SIPA1L1: variants seen among roughly 807,000 people sequenced by gnomAD.
SIPA1L1 encodes the protein signal-induced proliferation-associated 1-like protein 1.
A neutral mutation model predicts 162.7 loss-of-function variants in SIPA1L1; 26 were observed. The ratio of observed to expected loss-of-function variants is 0.16; its 90% CI spans 0.12 to 0.22. SIPA1L1 has a LOEUF of 0.22. Ranked by LOEUF, SIPA1L1 falls within the 10% of genes least tolerant of loss-of-function variation. The pLI, the probability that SIPA1L1 is intolerant of heterozygous loss-of-function variation, is 1.00. For missense variants in SIPA1L1, 1,874 were observed against 2,241.0 expected, an observed-to-expected ratio of 0.84 and a Z score of 3.31; for synonymous variants, 829 against 837.4, an observed-to-expected ratio of 0.99 and a Z score of 0.17.
At chr14:71,542,450 T>G (rs545184888) in intron 4 of SIPA1L1, among the ~76,000 whole-genome samples, 4 of 150,888 alleles carry the variant, frequency 2.7e-5, no homozygotes, top group Non-Finnish European at 4.4e-5. Flanking sequence ...TTCTGCTTCT[T>G]CTTCCTGCTG....
At chr14:71,455,775 CAT>C (rs1394551136) in intron 2 of SIPA1L1, among the ~76,000 whole-genome samples, 2 of 152,174 alleles carry the variant, frequency 1.3e-5, no homozygotes, top group African/African-American at 4.8e-5. Context: ...TTTGAACCTA[CAT>C]ATGTTTGCTT....
intron 2 of SIPA1L1, among the ~76,000 whole-genome samples, chr14:71,445,542 G>T (rs2045277977): frequency 6.6e-6 from 1 of 152,048 alleles, no homozygotes; most frequent in Admixed American, 6.6e-5. Flanking sequence ...AGAGAGACTG[G>T]ATAATCTCTC....
At position 71,589,230 on chromosome 14, in the gene SIPA1L1, C is replaced by T. The variant is rs1242786987; in HGVS notation, c.1358C>T (p.Ser453Phe). The change falls in exon 5 of 24, where the codon TCC becomes TTC. Residue 453 changes from serine to phenylalanine, a missense_variant. Ser to Phe is a radical substitution (Grantham distance 155). Coordinates refer to ENST00000381232, the MANE Select transcript of SIPA1L1 (RefSeq NM_001386936.1). ...ESASFESTLS[S>F]HCTNAGVAVL... Reference sequence around the variant, plus strand: ...GCCTCCTTTGAGTCTACCCTTAGTTCCCATTGCACAAATGCAGGAGTGGCA... The same window carrying T: ...GCCTCCTTTGAGTCTACCCTTAGTTTCCATTGCACAAATGCAGGAGTGGCA... 3.7e-6 allele frequency: 6 copies of T among 1,613,934 alleles called. No individual in the cohort carries two copies. Among genetic ancestry groups the T allele is most frequent in the Non-Finnish European group, 4.2e-6 (5 of 1,179,972 alleles).
At chr14:71,520,646 T>C (rs2052238128) in intron 3 of SIPA1L1, among the ~76,000 whole-genome samples, 1 of 152,376 alleles carries the variant, frequency 6.6e-6, no homozygotes, top group African/African-American at 2.4e-5. Context: ...CTTTTTTCTT[T>C]CAGCATTACA....
rs2085643990 is a variant in SIPA1L1, at chr14:71,740,002, C to CT, written c.*843dup. On this transcript the variant is annotated 3_prime_UTR_variant, in exon 24 of 24. Coordinates refer to ENST00000381232, the MANE Select transcript of SIPA1L1 (RefSeq NM_001386936.1). ...TTTCAGAATTCCCCCAAACTAAAAC[C>CT]TTATCTGTCTGCATTTTGAATGCAT... 1 of 152,180 alleles carries CT rather than the reference C, an allele frequency of 6.6e-6. No individual in the cohort carries two copies. The highest frequency in any genetic ancestry group is 2.4e-5 in the African/African-American group (1 of 41,444). The allele number at this position is 152,180 out of a possible 1,614,324, so 9.4% of individuals were successfully genotyped here. A position where few individuals can be genotyped will look rare whatever the true frequency, so the allele number is the denominator to read the frequency against.
intron 8 of SIPA1L1, among the ~76,000 whole-genome samples, chr14:71,651,807 G>T (rs529764142): frequency 8.5e-5 from 13 of 152,192 alleles, no homozygotes; most frequent in Admixed American, 6.5e-4. Context: ...CTAGGGTATC[G>T]TTAAGCAACA....
chr14:71,454,860 G>T (rs544287929), intron 2 of SIPA1L1, among the ~76,000 whole-genome samples: 1 of 152,300 alleles, frequency 6.6e-6, no homozygotes, highest in South Asian at 2.1e-4. Flanking sequence ...TGTCACTGCG[G>T]TTACTCCCTT....
intron 2 of SIPA1L1, among the ~76,000 whole-genome samples, chr14:71,366,930 A>G (rs1011899166): frequency 1.3e-5 from 2 of 152,216 alleles, no homozygotes; most frequent in East Asian, 1.9e-4. Context: ...CTTGGGATCT[A>G]TAAGTTACAC....
At chr14:71,585,708 T>C (rs973159398) in intron 4 of SIPA1L1, among the ~76,000 whole-genome samples, 2 of 152,236 alleles carry the variant, frequency 1.3e-5, no homozygotes, top group African/African-American at 2.4e-5. Flanking sequence ...ATGATTTATT[T>C]GGATTTCTGT....
intron 2 of SIPA1L1, among the ~76,000 whole-genome samples, chr14:71,337,559 C>T (rs748541933): frequency 6.6e-6 from 1 of 152,132 alleles, no homozygotes; most frequent in African/African-American, 2.4e-5. Flanking sequence ...ACCATCAGAT[C>T]TCATGAGACT....
chr14:71,371,778 GT>G (rs538382060), intron 2 of SIPA1L1, among the ~76,000 whole-genome samples: 1 of 152,098 alleles, frequency 6.6e-6, no homozygotes, highest in Non-Finnish European at 1.5e-5. Context: ...GCTATGGATG[GT>G]TGTTTCTCAA....
chr14:71,551,465 A>G (rs891168098), intron 4 of SIPA1L1, among the ~76,000 whole-genome samples: 19 of 152,230 alleles, frequency 1.2e-4, no homozygotes, highest in African/African-American at 4.6e-4. Flanking sequence ...TCCCTGATTC[A>G]TCTCTTTCTA....
chr14:71,367,603 CG>C lies in SIPA1L1; in HGVS notation c.-465+46424del, dbSNP rs1296291767. On this transcript the variant is annotated intron_variant, in intron 2 of 23. Transcript: ENST00000381232. Reference sequence around the variant, plus strand: ...GATTACAGGTGTGAGCCACCGTGCCCGGCCTTTTTTTTTTTTTTTTTGGAGA... The same window carrying C: ...GATTACAGGTGTGAGCCACCGTGCCCGCCTTTTTTTTTTTTTTTTTGGAGA... Among the ~76,000 whole-genome samples, 91 of 144,948 alleles carry C rather than the reference CG, an allele frequency of 6.3e-4. 4 individuals carry two copies. The South Asian group carries it at 0.011, about 18-fold the overall frequency.
chr14:71,670,720 A>G (rs1284099089), intron 10 of SIPA1L1, among the ~76,000 whole-genome samples: 1 of 152,224 alleles, frequency 6.6e-6, no homozygotes, highest in Non-Finnish European at 1.5e-5. Flanking sequence ...CACAGAATGT[A>G]TGCTTGTTCT....
chr14:71,621,858 G>A lies in SIPA1L1; in HGVS notation c.1630-2190G>A, dbSNP rs145819133. ...CTCTCTTCCTTTCTTCCTTCCTCCC[G>A]CTAATATTTATGTAATTAATTGCCA... On this transcript the variant is annotated intron_variant, in intron 6 of 23. Coordinates refer to ENST00000381232, the MANE Select transcript of SIPA1L1 (RefSeq NM_001386936.1). 5.5e-4 allele frequency among the ~76,000 whole-genome samples: 83 copies of A among 150,716 alleles called. 2 individuals are homozygous for A. Among genetic ancestry groups the A allele is most frequent in the African/African-American group, 1.5e-3 (61 of 40,902 alleles).
At chr14:71,545,577 T>TTGTGTG (rs58582108) in intron 4 of SIPA1L1, among the ~76,000 whole-genome samples, 23 of 148,632 alleles carry the variant, frequency 1.5e-4, no homozygotes, top group African/African-American at 5.7e-4. Flanking sequence ...TAGTTCTAAT[T>TTGTGTG]TGTGTGTGTG....
At chr14:71,621,429 G>A (rs1442155652) in intron 6 of SIPA1L1, among the ~76,000 whole-genome samples, 1 of 151,986 alleles carries the variant, frequency 6.6e-6, no homozygotes, top group Non-Finnish European at 1.5e-5. Context: ...TCCTACCTGG[G>A]CCACCTCAGG....
intron 7 of SIPA1L1, among the ~76,000 whole-genome samples, chr14:71,634,022 GA>G (rs1417541564): frequency 2.0e-5 from 3 of 148,986 alleles, no homozygotes; most frequent in African/African-American, 7.4e-5. Context: ...TCCACAGCAA[GA>G]GACATCATAG....
At chr14:71,738,960 G>A (rs2085575890) in intron 23 of SIPA1L1, 58 bp from the exon 24 acceptor site, 3 of 1,569,524 alleles carry the variant, frequency 1.9e-6, no homozygotes. Flanking sequence ...TTACTCAGAA[G>A]AGCTGGGCAA....
Sources: allele counts gnomAD v4.1 joint callset (sites outside exome capture counted in the v4.1 genomes callset), GRCh38; gene constraint gnomAD v4.1.1; transcripts MANE v1.5; gene names NCBI Gene and HGNC (gene_info 2026-07-23, HGNC 2026-07-21).